PSMB7: variants seen among roughly 807,000 people sequenced by gnomAD.
PSMB7 encodes proteasome 20S subunit beta 7, also known as proteasome subunit beta type-7.
A neutral mutation model predicts 28.1 loss-of-function variants in PSMB7; 5 were observed. The ratio of observed to expected loss-of-function variants is 0.18; its 90% CI spans 0.09 to 0.37. The LOEUF is 0.37. Ranked by LOEUF, PSMB7 falls within the 10% of genes least tolerant of loss-of-function variation. The pLI is 1.00. For synonymous variants in PSMB7, 122 were observed against 123.7 expected, an observed-to-expected ratio of 0.99 and a Z score of 0.09; for missense variants, 275 against 346.2, an observed-to-expected ratio of 0.79 and a Z score of 1.63.
chr9:124,384,688 T>C (rs1270691221), intron 5 of PSMB7, 32 bp from the exon 6 acceptor site: 1 of 1,603,736 alleles, frequency 6.2e-7, no homozygotes, highest in South Asian at 1.1e-5. Flanking sequence ...TTAGTGTATT[T>C]TATGATATCC....
At chr9:124,411,104 T>C (rs1324990357) in intron 4 of PSMB7, among the ~76,000 whole-genome samples, 1 of 152,070 alleles carries the variant, frequency 6.6e-6, no homozygotes, top group Non-Finnish European at 1.5e-5. Context: ...GCCTCCCAAG[T>C]AGCTGGGATT....
intron 4 of PSMB7, among the ~76,000 whole-genome samples, chr9:124,406,225 AG>A (rs1418496054): frequency 4.6e-5 from 7 of 152,052 alleles, no homozygotes; most frequent in Non-Finnish European, 2.9e-5. Flanking sequence ...CACAAAGGCC[AG>A]GCATGGTGGC....
At chr9:124,377,910 G>A (rs931135069) in intron 6 of PSMB7, among the ~76,000 whole-genome samples, 2 of 152,182 alleles carry the variant, frequency 1.3e-5, no homozygotes, top group Non-Finnish European at 2.9e-5. Flanking sequence ...GACACACTAA[G>A]ACTAGGGGAA....
At chr9:124,405,619 G>A (rs187697241) in intron 4 of PSMB7, among the ~76,000 whole-genome samples, 187 bp from the exon 5 acceptor site, 1 of 152,288 alleles carries the variant, frequency 6.6e-6, no homozygotes, top group African/African-American at 2.4e-5. Context: ...CTGTCAGCCA[G>A]TATAAACTAT....
In PSMB7 at chr9:124,415,240, C is replaced by T; in HGVS notation, c.62+124G>A. ...CCCTGATTCCCCTGAGTCACACTAG[C>T]CGCGGGCCACAGGCCCCGCCATGAA... On this transcript the variant is annotated intron_variant, in intron 1 of 7. Transcript: ENST00000259457. 4.6e-6 allele frequency: 5 copies of T among 1,091,900 alleles called. No individual in the cohort carries two copies. The South Asian group carries it at 6.8e-5, about 15-fold the overall frequency. 67.6% of individuals were successfully genotyped at this position (1,091,900 alleles called of 1,614,324 possible).
intron 4 of PSMB7, among the ~76,000 whole-genome samples, chr9:124,408,231 C>T (rs1830988400): frequency 6.6e-6 from 1 of 152,126 alleles, no homozygotes; most frequent in Admixed American, 6.5e-5. Context: ...TTCTCCTGCG[C>T]TACTGACGGT....
chr9:124,402,346 C>T (rs1311302663), intron 5 of PSMB7, among the ~76,000 whole-genome samples: 1 of 152,204 alleles, frequency 6.6e-6, no homozygotes, highest in Non-Finnish European at 1.5e-5. Context: ...ACAACTTTTC[C>T]TAATTCAGCT....
chr9:124,384,549 A>G (rs377582657), intron 6 of PSMB7, 49 bp downstream of exon 6: 2 of 1,551,008 alleles, frequency 1.3e-6, no homozygotes, highest in Non-Finnish European at 1.8e-6. Flanking sequence ...GTTCAAGATA[A>G]AACCAGAAAA....
intron 6 of PSMB7, among the ~76,000 whole-genome samples, chr9:124,382,893 A>G (rs1182098283): frequency 6.6e-6 from 1 of 152,188 alleles, no homozygotes; most frequent in Non-Finnish European, 1.5e-5. Context: ...AACTTTTCCT[A>G]CAATTCTCAT....
intron 4 of PSMB7, among the ~76,000 whole-genome samples, chr9:124,406,198 C>T (rs1830960705): frequency 6.6e-6 from 1 of 151,940 alleles, no homozygotes; most frequent in Non-Finnish European, 1.5e-5. Context: ...TTCCACTGTT[C>T]AAATTATCAA....
intron 5 of PSMB7, among the ~76,000 whole-genome samples, chr9:124,386,830 C>T (rs1034316468): frequency 7.3e-6 from 1 of 136,166 alleles, no homozygotes; most frequent in East Asian, 2.0e-4. Context: ...GGCAGTTGCA[C>T]AGTAAATTTT....
At position 124,414,946 on chromosome 9, in the gene PSMB7, A is replaced by C; in HGVS notation, c.63-11T>G. On this transcript the variant is annotated splice_polypyrimidine_tract_variant and intron_variant, in intron 1 of 7. Coordinates refer to ENST00000259457, the MANE Select transcript of PSMB7 (RefSeq NM_002799.4). ...TCCAAGACGGCATTCCTAAGAGCAA[A>C]TGAGAGAATCAAGTGTTGAAGGGCA... The C allele has an allele frequency of 6.3e-7, 1 of 1,595,100 alleles. No homozygotes were observed. The highest frequency in any genetic ancestry group is 8.6e-7 in the Non-Finnish European group (1 of 1,164,644).
At chr9:124,363,960 T>G (rs184253420) in intron 6 of PSMB7, among the ~76,000 whole-genome samples, 2 of 152,244 alleles carry the variant, frequency 1.3e-5, no homozygotes, top group Admixed American at 6.5e-5. Flanking sequence ...CGGGTCACTC[T>G]CTGAGCCAAA....
At chr9:124,381,814 G>A (rs1830667556) in intron 6 of PSMB7, among the ~76,000 whole-genome samples, 1 of 152,218 alleles carries the variant, frequency 6.6e-6, no homozygotes, top group African/African-American at 2.4e-5. Flanking sequence ...AGCACAGTTA[G>A]TGGCTTGGTC....
At chr9:124,363,952 G>A (rs1285149991) in intron 6 of PSMB7, among the ~76,000 whole-genome samples, 1 of 152,034 alleles carries the variant, frequency 6.6e-6, no homozygotes, top group Non-Finnish European at 1.5e-5. Flanking sequence ...CTGGACAGCG[G>A]GTCACTCTCT....
At chr9:124,412,915 T>C (rs979422949) in intron 3 of PSMB7, among the ~76,000 whole-genome samples, 2 of 152,014 alleles carry the variant, frequency 1.3e-5, no homozygotes, top group African/African-American at 4.8e-5. Context: ...GAGTGTAAGA[T>C]ACACAAGAAG....
At chr9:124,405,239 A>G in intron 5 of PSMB7, 78 bp downstream of exon 5, 2 of 992,168 alleles carry the variant, frequency 2.0e-6, no homozygotes, top group South Asian at 1.4e-5. Context: ...CTCTTCTAAG[A>G]GAAAACAGAC....
intron 4 of PSMB7, among the ~76,000 whole-genome samples, chr9:124,411,231 C>A (rs956819027): frequency 1.3e-5 from 2 of 152,182 alleles, no homozygotes; most frequent in Admixed American, 6.5e-5. Context: ...CTTGGCCTCC[C>A]AAAGTGCTGG....
intron 3 of PSMB7, among the ~76,000 whole-genome samples, 170 bp downstream of exon 3, chr9:124,413,738 A>G (rs1831055223): frequency 6.6e-6 from 1 of 152,236 alleles, no homozygotes. Flanking sequence ...ACTGAAGCAA[A>G]GAGAGGACTT....
Sources: gnomAD v4.1 joint callset for allele counts (sites outside exome capture counted in the v4.1 genomes callset) on GRCh38, gnomAD v4.1.1 for gene constraint, MANE v1.5 for transcripts, NCBI Gene and HGNC (gene_info 2026-07-23, HGNC 2026-07-21) for gene names.